Variants in ADAM12 observed in about 807,000 individuals in gnomAD.
ADAM12 encodes the protein ADAM metallopeptidase domain 12, also known as disintegrin and metalloproteinase domain-containing protein 12.
ADAM12 carries 70 observed loss-of-function variants against 106.4 expected under a neutral mutation model. That is an observed-to-expected ratio of 0.66 (90% CI 0.54 to 0.80). The LOEUF is 0.80. ADAM12 is among the 30% of genes least tolerant of loss of function. The probability of loss-of-function intolerance (pLI) is 0.00; values close to 1 mark genes in which losing one functional copy is unlikely to be tolerated. For missense variants in ADAM12, 1,010 were observed against 1,171.9 expected, an observed-to-expected ratio of 0.86 and a Z score of 2.02; for synonymous variants, 420 against 433.5, an observed-to-expected ratio of 0.97 and a Z score of 0.39.
intron 2 of ADAM12, among the ~76,000 whole-genome samples, chr10:126,292,977 G>A (rs74429477): frequency 6.6e-6 from 1 of 152,184 alleles, no homozygotes; most frequent in Admixed American, 6.5e-5. Context: ...TCTGGGTGGG[G>A]CCCAAGCATT....
intron 3 of ADAM12, among the ~76,000 whole-genome samples, chr10:126,179,451 G>T (rs1957274983): frequency 6.6e-6 from 1 of 152,122 alleles, no homozygotes; most frequent in African/African-American, 2.4e-5. Flanking sequence ...AGTGGTAATG[G>T]CCACTCTGAT....
chr10:126,308,915 G>A (rs1960961292), intron 2 of ADAM12, among the ~76,000 whole-genome samples: 1 of 152,184 alleles, frequency 6.6e-6, no homozygotes, highest in African/African-American at 2.4e-5. Context: ...CTGTCATGAA[G>A]CCCCTTCTGG....
chr10:126,278,735 ATTCT>A (rs1959402080), intron 3 of ADAM12, among the ~76,000 whole-genome samples, 176 bp downstream of exon 3: 1 of 152,208 alleles, frequency 6.6e-6, no homozygotes, highest in African/African-American at 2.4e-5. Context: ...GAGTGATAAA[ATTCT>A]TTATTTTTCC....
chr10:126,384,022 T>C (rs1256065982), intron 1 of ADAM12, among the ~76,000 whole-genome samples: 1 of 152,234 alleles, frequency 6.6e-6, no homozygotes, highest in Non-Finnish European at 1.5e-5. Flanking sequence ...ATTTGACTGG[T>C]TCTGCCTTTT....
At chr10:126,297,417 C>T (rs984603566) in intron 2 of ADAM12, among the ~76,000 whole-genome samples, 1 of 152,142 alleles carries the variant, frequency 6.6e-6, no homozygotes, top group African/African-American at 2.4e-5. Flanking sequence ...GGCTTGGTGG[C>T]ATGTGTCTAT....
At chr10:126,287,857 A>C (rs1379465531) in intron 2 of ADAM12, among the ~76,000 whole-genome samples, 1 of 152,048 alleles carries the variant, frequency 6.6e-6, no homozygotes, top group Non-Finnish European at 1.5e-5. Context: ...ACTTGTTTAC[A>C]GTCTATCTCC....
At chr10:126,364,517 C>G (rs1391006407) in intron 1 of ADAM12, among the ~76,000 whole-genome samples, 2 of 151,950 alleles carry the variant, frequency 1.3e-5, no homozygotes, top group Non-Finnish European at 2.9e-5. Context: ...TATATCATTA[C>G]TAAAATAAAA....
At chr10:126,252,284 T>C (rs375338273) in intron 3 of ADAM12, among the ~76,000 whole-genome samples, 5 of 150,560 alleles carry the variant, frequency 3.3e-5, no homozygotes, top group Admixed American at 6.6e-5. Flanking sequence ...ATGGATTAGA[T>C]AGATGGATGG....
chr10:126,386,548 A>G (rs74158261), intron 1 of ADAM12, among the ~76,000 whole-genome samples: 3,899 of 152,232 alleles, frequency 0.026, 168 homozygotes, highest in African/African-American at 0.087. Context: ...ATTTTGGGTC[A>G]TATCTGTCTT....
intron 11 of ADAM12, among the ~76,000 whole-genome samples, chr10:126,080,355 T>A (rs1022685404): frequency 6.6e-6 from 1 of 152,216 alleles, no homozygotes; most frequent in African/African-American, 2.4e-5. Context: ...CTTTTTAACA[T>A]GTCTAATAAA....
At chr10:126,217,430 C>T (rs972910335) in intron 3 of ADAM12, among the ~76,000 whole-genome samples, 4 of 150,748 alleles carry the variant, frequency 2.7e-5, no homozygotes, top group South Asian at 2.1e-4. Flanking sequence ...TGCAATGGCG[C>T]GATCTTGGCT....
chr10:126,203,869 T>C (rs538022438), intron 3 of ADAM12, among the ~76,000 whole-genome samples: 209 of 152,330 alleles, frequency 1.4e-3, no homozygotes, highest in African/African-American at 4.9e-3. Context: ...CCCTCTGTGG[T>C]GGACTTCACT....
intron 2 of ADAM12, among the ~76,000 whole-genome samples, chr10:126,288,321 T>G (rs1196790961): frequency 6.6e-6 from 1 of 152,164 alleles, no homozygotes; most frequent in African/African-American, 2.4e-5. Context: ...CTTGGGACTA[T>G]ACAAATGACC....
intron 2 of ADAM12, among the ~76,000 whole-genome samples, chr10:126,325,470 A>G (rs1294254945): frequency 2.6e-5 from 4 of 152,184 alleles, no homozygotes; most frequent in African/African-American, 9.7e-5. Context: ...AAAAAGGCAA[A>G]TGGAAATGTA....
intron 3 of ADAM12, among the ~76,000 whole-genome samples, chr10:126,258,407 G>A (rs568328441): frequency 2.4e-4 from 36 of 151,136 alleles, no homozygotes; most frequent in Admixed American, 2.0e-3. Context: ...CGCCCCACCC[G>A]TGCCCCACAC....
At chr10:126,341,929 T>C (rs988589750) in intron 1 of ADAM12, among the ~76,000 whole-genome samples, 1 of 152,238 alleles carries the variant, frequency 6.6e-6, no homozygotes, top group African/African-American at 2.4e-5. Context: ...GAACATTTCA[T>C]TTTCTCTATG....
rs773452913 is a variant in ADAM12, at chr10:126,039,356, G to C, written c.2178C>G (p.Leu726=). Reference sequence around the variant, plus strand: ...GCAGTCGTATCAAGGTCTTCCTTTTGAGATAAACCACAAATCCGGCAGCAA... The same window carrying C: ...GCAGTCGTATCAAGGTCTTCCTTTTCAGATAAACCACAAATCCGGCAGCAA... ...CLLAAGFVVY[L]KRKTLIRLLF... is the part of the protein sequence containing the mutation. Residue 726 remains leucine, a synonymous_variant, in exon 19 of 23, where the codon CTC becomes CTG. Transcript: ENST00000448723. The C allele has an allele frequency of 2.0e-5, 33 of 1,613,964 alleles. No individual in the cohort carries two copies. The highest frequency in any genetic ancestry group is 2.5e-6 in the Non-Finnish European group (3 of 1,180,006).
At chr10:126,365,614 A>G (rs753467014) in intron 1 of ADAM12, among the ~76,000 whole-genome samples, 1 of 152,188 alleles carries the variant, frequency 6.6e-6, no homozygotes, top group Non-Finnish European at 1.5e-5. Flanking sequence ...GGAGGCAGGA[A>G]GGAGAAGTGT....
At chr10:126,338,632 T>C (rs1854805107) in intron 1 of ADAM12, among the ~76,000 whole-genome samples, 1 of 152,056 alleles carries the variant, frequency 6.6e-6, no homozygotes, top group South Asian at 2.1e-4. Context: ...AACTATAGAG[T>C]TGTATAGGTT....
Sources: allele counts gnomAD v4.1 joint callset (sites outside exome capture counted in the v4.1 genomes callset), GRCh38; gene constraint gnomAD v4.1.1; transcripts MANE v1.5; gene names NCBI Gene and HGNC (gene_info 2026-07-23, HGNC 2026-07-21).